The following FBXO41 variants were observed in gnomAD, a reference collection of about 807,000 sequenced individuals.
FBXO41 encodes the protein F-box only protein 41.
Under a neutral mutation model 81.6 loss-of-function variants are expected in FBXO41, and 33 were observed. The observed-to-expected ratio is 0.40, with a 90% CI of 0.31 to 0.54. The LOEUF (loss-of-function observed/expected upper bound fraction) is 0.54. Ranked by LOEUF, FBXO41 falls within the 20% of genes least tolerant of loss-of-function variation. The pLI, the probability that FBXO41 is intolerant of heterozygous loss-of-function variation, is 0.39. For missense variants in FBXO41, 1,107 were observed against 1,236.0 expected, an observed-to-expected ratio of 0.90 and a Z score of 1.56; for synonymous variants, 576 against 552.7, an observed-to-expected ratio of 1.04 and a Z score of -0.59.
rs926389714 is a variant in FBXO41 at position 73,260,913 on chromosome 2, A to G, written c.2172-55T>C. 3.4e-4 allele frequency: 486 copies of G among 1,432,732 alleles called. No homozygotes were observed. The highest frequency in any genetic ancestry group is 4.5e-4 in the Non-Finnish European group (470 of 1,050,706). 88.8% of individuals were successfully genotyped at this position (1,432,732 alleles called of 1,614,324 possible). ...GAAGTCTCTGGATGCTTGATAACCCAGCATGCTCCTCCTGTGGGACCCCTC... is the reference window on the plus strand; with the variant it reads ...GAAGTCTCTGGATGCTTGATAACCCGGCATGCTCCTCCTGTGGGACCCCTC... On this transcript the variant is annotated intron_variant, in intron 9 of 12. Transcript: ENST00000520530. This position sits in a 1 kb window ranked among gnomAD's most constrained non-coding sequence, Gnocchi z 5.0.
intron 9 of FBXO41, among the ~76,000 whole-genome samples, chr2:73,262,100 G>A (rs1688039832): frequency 6.6e-6 from 1 of 152,182 alleles, no homozygotes. Context: ...GCCCATGCCT[G>A]TAGTCCCAGC....
rs1218 is a variant in FBXO41 at position 73,256,058 on chromosome 2, C to G, written c.*2924G>C. 0.17 allele frequency: 26,598 copies of G among 152,082 alleles called. 3,746 individuals carry two copies. Among genetic ancestry groups the G allele is most frequent in the African/African-American group, 0.39 (16,089 of 41,406 alleles). The allele number at this position is 152,082 out of a possible 1,614,324, so 9.4% of individuals were successfully genotyped here. A position where few individuals can be genotyped will look rare whatever the true frequency, so the allele number is the denominator to read the frequency against. ...GCATGAAGTACTTAAGCCAAGTACA[C>G]CAACCTCCCAGGTAGGTACTGGGGC... On this transcript the variant is annotated 3_prime_UTR_variant, in exon 13 of 13. Coordinates refer to ENST00000520530, the MANE Select transcript of FBXO41 (RefSeq NM_001371389.2).
intron 1 of FBXO41, among the ~76,000 whole-genome samples, chr2:73,272,706 G>A (rs1688576246): frequency 1.3e-5 from 2 of 152,192 alleles, no homozygotes; most frequent in Non-Finnish European, 1.5e-5. Flanking sequence ...AGAACACTGA[G>A]GCCTGTTGCT....
In FBXO41 at chr2:73,264,517, G is replaced by A. The variant is rs771960976; in HGVS notation, c.1567C>T (p.Arg523Cys). 5.6e-6 allele frequency: 9 copies of A among 1,613,394 alleles called. No individual in the cohort carries two copies. Among genetic ancestry groups the A allele is most frequent in the Non-Finnish European group, 7.6e-6 (9 of 1,179,846 alleles). The change falls in exon 6 of 13, where the codon CGC (arginine) becomes TGC (cysteine). Residue 523 changes from arginine (R) to cysteine (C), a missense_variant and splice_region_variant. By Grantham distance (180) the Arg-to-Cys change is radical. Around this residue, in one of 2 missense-constraint regions of FBXO41, gnomAD observed 771 missense variants for 789.2 expected, o/e 0.98. Coordinates refer to ENST00000520530, the MANE Select transcript of FBXO41 (RefSeq NM_001371389.2). ...CCCCGCCCACTGCCTCCCTCGGGGC[G>A]GGCTGCAGAATACCAGGGGTTCAAA... ...GPLSSCRLSA[R>C]PEGGSGRGRR... is the part of the protein sequence containing the mutation.
At chr2:73,274,615 A>G (rs1688632872) in intron 1 of FBXO41, among the ~76,000 whole-genome samples, 1 of 152,202 alleles carries the variant, frequency 6.6e-6, no homozygotes, top group African/African-American at 2.4e-5. Flanking sequence ...AAAATTCCAG[A>G]ATATTTTTTA....
rs200330670 is a variant in FBXO41, at chr2:73,266,474, G to A, written c.1114C>T (p.Arg372Trp). The A allele has an allele frequency of 2.8e-4, 431 of 1,532,164 alleles. No individual in the cohort carries two copies. The highest frequency in any genetic ancestry group is 4.7e-4 in the Middle Eastern group (2 of 4,278). The allele number at this position is 1,532,164 out of a possible 1,614,324, so 94.9% of individuals were successfully genotyped here. A position where few individuals can be genotyped will look rare whatever the true frequency, so the allele number is the denominator to read the frequency against. ...GCACTCACCATTCTGCCTGGGCCCC[G>A]GGCATTGGGTCCAGCACCACCGCCC... ...GGGGGAGPNA[R>W]GPGRMREHHV... Residue 372 changes from arginine to tryptophan, a missense_variant, in exon 3 of 13, where the codon CGG becomes TGG. Coordinates refer to ENST00000520530, the MANE Select transcript of FBXO41 (RefSeq NM_001371389.2). This position sits in a 1 kb window ranked among gnomAD's most constrained non-coding sequence, Gnocchi z 5.3.
chr2:73,266,412 G>T lies in FBXO41; in HGVS notation c.1131+45C>A. 6.9e-7 allele frequency: 1 copy of T among 1,443,940 alleles called. No individual in the cohort carries two copies. The highest frequency in any genetic ancestry group is 9.2e-7 in the Non-Finnish European group (1 of 1,091,456). 89.4% of individuals were successfully genotyped at this position (1,443,940 alleles called of 1,614,324 possible). ...GCCATGTGAAAGGTGAGGTTGTGGG[G>T]GGCCAGGTGTGCAGGTAGAGGAGGG... On this transcript the variant is annotated intron_variant, in intron 3 of 12. Coordinates refer to ENST00000520530, the MANE Select transcript of FBXO41 (RefSeq NM_001371389.2). The surrounding 1 kb of genome is among the most constrained non-coding windows in gnomAD (Gnocchi z 5.3).
rs1468067979 is a variant in FBXO41, at chr2:73,265,552, G to C, written c.1294C>G (p.Pro432Ala). Residue 432 changes from proline (P) to alanine (A), a missense_variant, in exon 5 of 13, where the codon CCT becomes GCT. By Grantham distance (27) the Pro-to-Ala change is conservative. Coordinates refer to ENST00000520530, the MANE Select transcript of FBXO41 (RefSeq NM_001371389.2). The part of the protein sequence containing the change: ...LELPRPEEGA[P>A]EDSGPGGLGT... ...AAGCCCCCAGGGCCACTGTCCTCAG[G>C]GGCCCCCTCCTCTGGCCTGGGCAGC... 3 of 1,585,004 alleles carry C rather than the reference G, an allele frequency of 1.9e-6. No individual in the cohort carries two copies. In the South Asian group the frequency reaches 3.5e-5, roughly 18 times the overall value.
intron 5 of FBXO41, among the ~76,000 whole-genome samples, chr2:73,264,798 G>A (rs1194346309): frequency 6.6e-6 from 1 of 152,076 alleles, no homozygotes; most frequent in Non-Finnish European, 1.5e-5. Context: ...ATCAGATTTG[G>A]AGAGTGAAAG....
chr2:73,260,342 G>A lies in FBXO41; in HGVS notation c.2449+47C>T, dbSNP rs760716851. On this transcript the variant is annotated intron_variant, in intron 11 of 12. Transcript: ENST00000520530. The surrounding 1 kb of genome is among the most constrained non-coding windows in gnomAD (Gnocchi z 5.0). ...TTAGGATACCTGCTGACAGGGCCCC[G>A]TGGCAGGTGATAGTCGTACCCTGCC... 14 of 1,581,896 alleles carry A rather than the reference G, an allele frequency of 8.9e-6. No homozygotes were observed. Among genetic ancestry groups the A allele is most frequent in the Middle Eastern group, 1.7e-4 (1 of 5,996 alleles).
chr2:73,262,879 G>A (rs1053044585), intron 9 of FBXO41, among the ~76,000 whole-genome samples: 1 of 152,150 alleles, frequency 6.6e-6, no homozygotes, highest in Non-Finnish European at 1.5e-5. Flanking sequence ...CCCAGTAGCT[G>A]GGATTACAGG....
chr2:73,261,061 C>CA (rs796318066), intron 9 of FBXO41, among the ~76,000 whole-genome samples: 7 of 145,478 alleles, frequency 4.8e-5, no homozygotes, highest in African/African-American at 1.5e-4. Context: ...CCCAAGCACT[C>CA]TTTTTTTTTT....
chr2:73,262,783 T>C (rs1258228354), intron 9 of FBXO41, among the ~76,000 whole-genome samples: 2 of 152,248 alleles, frequency 1.3e-5, no homozygotes, highest in Non-Finnish European at 2.9e-5. Flanking sequence ...TTCCATCTTG[T>C]TGCCCAGGCT....
intron 1 of FBXO41, among the ~76,000 whole-genome samples, chr2:73,270,330 T>G (rs920560344): frequency 6.6e-6 from 1 of 152,138 alleles, no homozygotes; most frequent in Non-Finnish European, 1.5e-5. Context: ...CTGCTTTGAG[T>G]GGTGGTTATA....
At position 73,266,332 on chromosome 2, in the gene FBXO41, T is replaced by C; in HGVS notation, c.1131+125A>G. The stretch of plus-strand genomic sequence containing the variant: ...GGGCTCCCCTGTTCCTGGCATCTGC[T>C]GGTGGGGTAAAAGCCAAAGAAGGGG... On this transcript the variant is annotated intron_variant, in intron 3 of 12. Transcript: ENST00000520530. The surrounding 1 kb of genome is among the most constrained non-coding windows in gnomAD (Gnocchi z 5.3). The C allele has an allele frequency of 1.7e-6, 2 of 1,164,884 alleles. No homozygotes were observed. Among genetic ancestry groups the C allele is most frequent in the Non-Finnish European group, 2.4e-6 (2 of 846,604 alleles). 72.2% of individuals were successfully genotyped at this position (1,164,884 alleles called of 1,614,324 possible). A position where few individuals can be genotyped will look rare whatever the true frequency, so the allele number is the denominator to read the frequency against.
At chr2:73,271,046 G>T in intron 1 of FBXO41, 1 of 419,828 alleles carries the variant, frequency 2.4e-6, no homozygotes. Flanking sequence ...CTTCCTAAAC[G>T]TCCTCATTCC....
Position 73,269,254 on chromosome 2 carries a change from C to A in FBXO41, c.377G>T (p.Ser126Ile). 5.9e-6 allele frequency: 9 copies of A among 1,530,836 alleles called. No individual in the cohort carries two copies. The highest frequency in any genetic ancestry group is 7.9e-6 in the Non-Finnish European group (9 of 1,139,282). The allele number at this position is 1,530,836 out of a possible 1,614,324, so 94.8% of individuals were successfully genotyped here. Residue 126 changes from serine to isoleucine, a missense_variant, in exon 2 of 13, where the codon AGC becomes ATC. Physicochemically the swap from Ser to Ile is moderately radical, Grantham distance 142. This residue lies in a region of FBXO41 where 771 missense variants were observed against 789.2 expected (regional missense o/e 0.98). Transcript: ENST00000520530. The surrounding 1 kb of genome is among the most constrained non-coding windows in gnomAD (Gnocchi z 7.0). ...CTCGGCCAACTCCTCACAGGGCAGG[C>A]TAGCGGGCACCAGGTCGCCGGGGAA... is the stretch of plus-strand genomic sequence containing the variant. ...AHFPGDLVPA[S>I]LPCEELAEPG...
chr2:73,269,468 C>T lies in FBXO41; in HGVS notation c.163G>A (p.Ala55Thr). The T allele has an allele frequency of 1.6e-6, 2 of 1,249,260 alleles. No homozygotes were observed. Among genetic ancestry groups the T allele is most frequent in the Non-Finnish European group, 1.0e-6 (1 of 993,618 alleles). The allele number at this position is 1,249,260 out of a possible 1,614,324, so 77.4% of individuals were successfully genotyped here. ...NSICDGAAAA[A>T]AAAAAASGFP... ...CCCGAGGCAGCGGCGGCGGCGGCCG[C>T]GGCGGCGGCGGCGCCGTCGCAGATG... Residue 55 changes from alanine to threonine, a missense_variant, in exon 2 of 13, where the codon GCG becomes ACG. Coordinates refer to ENST00000520530, the MANE Select transcript of FBXO41 (RefSeq NM_001371389.2). This position sits in a 1 kb window ranked among gnomAD's most constrained non-coding sequence, Gnocchi z 7.0.
chr2:73,263,140 C>A (rs1688078956), intron 9 of FBXO41, 73 bp downstream of exon 9: 37 of 1,210,688 alleles, frequency 3.1e-5, no homozygotes, highest in Admixed American at 4.3e-5. Flanking sequence ...GGGCTCAGAT[C>A]TGCTAAGTCC....
Sources: allele counts gnomAD v4.1 joint callset (sites outside exome capture counted in the v4.1 genomes callset), GRCh38; gene constraint gnomAD v4.1.1; regional missense constraint gnomAD v4.1.1; non-coding constraint Gnocchi (gnomAD v3.1); transcripts MANE v1.5; gene names NCBI Gene and HGNC (gene_info 2026-07-23, HGNC 2026-07-21).